SDK1: variants seen among roughly 807,000 people sequenced by gnomAD.
SDK1 encodes the protein sidekick cell adhesion molecule 1, also known as protein sidekick-1.
In SDK1, 157 loss-of-function variants were observed where a neutral mutation model predicts 245.5. That is an observed-to-expected ratio of 0.64 (90% CI 0.56 to 0.73). SDK1 has a LOEUF of 0.73. SDK1 is among the 30% of genes least tolerant of loss of function. The probability of loss-of-function intolerance (pLI) is 0.00; values close to 1 mark genes in which losing one functional copy is unlikely to be tolerated. For synonymous variants in SDK1, 1,647 were observed against 1,278.5 expected (o/e 1.29, Z -6.15); for missense variants, 3,583 against 3,002.3 (o/e 1.19, Z -4.52).
chr7:4,038,202 C>G (rs1209506042), intron 17 of SDK1, among the ~76,000 whole-genome samples: 1 of 152,236 alleles, frequency 6.6e-6, no homozygotes. Flanking sequence ...TATTCCAGAG[C>G]TCCCCAGAGG....
intron 17 of SDK1, among the ~76,000 whole-genome samples, chr7:4,047,024 G>A (rs573606129): frequency 2.0e-5 from 3 of 152,204 alleles, no homozygotes; most frequent in Middle Eastern, 3.4e-3. Context: ...TTCGTGTTTT[G>A]TAGTTTTCCG....
chr7:3,966,888 G>T (rs183042055), intron 9 of SDK1, among the ~76,000 whole-genome samples: 1 of 152,056 alleles, frequency 6.6e-6, no homozygotes, highest in Non-Finnish European at 1.5e-5. Flanking sequence ...ATCTCACTGT[G>T]TTGCCCAGGC....
intron 4 of SDK1, among the ~76,000 whole-genome samples, chr7:3,683,167 C>A (rs6462227): frequency 0.82 from 124,380 of 152,094 alleles, 51,010 homozygotes; most frequent in Non-Finnish European, 0.85. Flanking sequence ...TATGATATTT[C>A]TTGCTTTTTC....
At chr7:4,019,201 C>A (rs1786669565) in intron 17 of SDK1, among the ~76,000 whole-genome samples, 2 of 152,198 alleles carry the variant, frequency 1.3e-5, no homozygotes, top group Admixed American at 1.3e-4. Context: ...TTATAGGATA[C>A]AGCAGGGCAA....
At chr7:3,946,508 G>C (rs1041704318) in intron 5 of SDK1, among the ~76,000 whole-genome samples, 5 of 151,866 alleles carry the variant, frequency 3.3e-5, no homozygotes, top group African/African-American at 1.2e-4. Flanking sequence ...ATAGAGACAG[G>C]GTTTTGCCAT....
At chr7:3,838,757 C>T (rs542897484) in intron 5 of SDK1, among the ~76,000 whole-genome samples, 21 of 152,272 alleles carry the variant, frequency 1.4e-4, no homozygotes, top group African/African-American at 4.8e-4. Flanking sequence ...AAGCTGTGTC[C>T]CTCACTAGGA....
At chr7:3,672,464 A>G (rs1460683931) in intron 4 of SDK1, among the ~76,000 whole-genome samples, 1 of 151,204 alleles carries the variant, frequency 6.6e-6, no homozygotes, top group East Asian at 2.0e-4. Flanking sequence ...ATTAGCCAAA[A>G]GAGATAGGAC....
At chr7:3,963,035 C>G (rs1332158577) in intron 9 of SDK1, among the ~76,000 whole-genome samples, 184 bp downstream of exon 9, 1 of 135,108 alleles carries the variant, frequency 7.4e-6, no homozygotes, top group East Asian at 2.1e-4. Context: ...CACCCAGGCT[C>G]ACAGCTACCT....
chr7:3,644,550 A>C (rs1485230847), intron 4 of SDK1, among the ~76,000 whole-genome samples: 3 of 151,480 alleles, frequency 2.0e-5, no homozygotes, highest in Non-Finnish European at 4.4e-5. Context: ...AGTTTAAAGC[A>C]ATCTGGAGTT....
intron 1 of SDK1, among the ~76,000 whole-genome samples, chr7:3,366,627 T>TG (rs1330033683): frequency 3.3e-5 from 5 of 152,212 alleles, no homozygotes; most frequent in African/African-American, 1.2e-4. Flanking sequence ...TTTACATTTA[T>TG]GGGGATAGTT....
At chr7:4,005,282 T>G (rs951000925) in intron 14 of SDK1, among the ~76,000 whole-genome samples, 1 of 151,890 alleles carries the variant, frequency 6.6e-6, no homozygotes, top group Non-Finnish European at 1.5e-5. Context: ...CTTGACGTCG[T>G]GATCCACCTG....
At chr7:4,017,706 CT>C (rs1786527767) in intron 17 of SDK1, among the ~76,000 whole-genome samples, 1 of 152,144 alleles carries the variant, frequency 6.6e-6, no homozygotes, top group Non-Finnish European at 1.5e-5. Flanking sequence ...CTGTGTGATA[CT>C]GTGAGTGTTT....
intron 4 of SDK1, among the ~76,000 whole-genome samples, chr7:3,719,392 C>G (rs907223432): frequency 4.6e-5 from 7 of 152,052 alleles, no homozygotes; most frequent in Non-Finnish European, 8.8e-5. Context: ...AGTGTTAACG[C>G]TTACTGTATC....
At chr7:4,037,530 T>A (rs887785443) in intron 17 of SDK1, among the ~76,000 whole-genome samples, 8 of 152,034 alleles carry the variant, frequency 5.3e-5, no homozygotes, top group Non-Finnish European at 2.9e-5. Context: ...GTTGGGAGGA[T>A]CGCCTGAGCC....
intron 1 of SDK1, among the ~76,000 whole-genome samples, chr7:3,435,009 G>A (rs769140228): frequency 3.3e-5 from 5 of 152,066 alleles, no homozygotes; most frequent in Non-Finnish European, 5.9e-5. Flanking sequence ...TCAAATCTCC[G>A]TCTGGATCCC....
intron 1 of SDK1, among the ~76,000 whole-genome samples, chr7:3,375,589 C>G (rs1434636775): frequency 6.6e-6 from 1 of 152,188 alleles, no homozygotes; most frequent in African/African-American, 2.4e-5. Flanking sequence ...CTGTCTTGTG[C>G]TCCCTTGCAT....
rs1018122532 is a variant in SDK1 at position 3,308,918 on chromosome 7, A to G, written c.298+7034A>G. On this transcript the variant is annotated intron_variant, in intron 1 of 44. Coordinates refer to ENST00000404826, the MANE Select transcript of SDK1 (RefSeq NM_152744.4). ...AGAGGGAGATAACCACGTAATGACTATGGTGATTTGGGGAGGAATATGGAA... is the reference window on the plus strand; with the variant it reads ...AGAGGGAGATAACCACGTAATGACTGTGGTGATTTGGGGAGGAATATGGAA... Among the ~76,000 whole-genome samples the G allele has an allele frequency of 4.6e-5, 7 of 152,246 alleles. No homozygotes were observed. In the South Asian group the frequency reaches 8.3e-4, roughly 18 times the overall value.
chr7:4,156,257 C>T (rs769661184), intron 30 of SDK1, among the ~76,000 whole-genome samples: 1 of 152,014 alleles, frequency 6.6e-6, no homozygotes, highest in Non-Finnish European at 1.5e-5. Context: ...GCAGGGAGGT[C>T]GTGGGAGAAG....
chr7:4,254,623 C>A (rs1373583790), intron 44 of SDK1, among the ~76,000 whole-genome samples: 1 of 150,612 alleles, frequency 6.6e-6, no homozygotes, highest in East Asian at 1.9e-4. Context: ...CCCTCAGAAG[C>A]TACCTTCTTT....
Sources: allele counts gnomAD v4.1 joint callset (sites outside exome capture counted in the v4.1 genomes callset), GRCh38; gene constraint gnomAD v4.1.1; transcripts MANE v1.5; gene names NCBI Gene and HGNC (gene_info 2026-07-23, HGNC 2026-07-21).